The following RIMS2 variants were observed in gnomAD, a reference collection of about 807,000 sequenced individuals.
RIMS2 encodes regulating synaptic membrane exocytosis 2, also known as regulating synaptic membrane exocytosis protein 2.
In RIMS2, 59 loss-of-function variants were observed where a neutral mutation model predicts 174.4. That is an observed-to-expected ratio of 0.34 (90% CI 0.27 to 0.42). The LOEUF (loss-of-function observed/expected upper bound fraction) is 0.42. RIMS2 is among the 10% of genes least tolerant of loss of function. The pLI, the probability that RIMS2 is intolerant of heterozygous loss-of-function variation, is 1.00. For synonymous variants in RIMS2, 606 were observed against 572.5 expected (o/e 1.06, Z -0.84); for missense variants, 1,620 against 1,666.3 (o/e 0.97, Z 0.48).
intron 2 of RIMS2, among the ~76,000 whole-genome samples, chr8:103,734,171 C>G (rs2139034512): frequency 6.6e-6 from 1 of 151,760 alleles, no homozygotes; most frequent in East Asian, 1.9e-4. Context: ...CGCCACCACA[C>G]CCAGCTAATT....
intron 17 of RIMS2, among the ~76,000 whole-genome samples, chr8:104,006,709 T>A (rs1337500512): frequency 1.6e-4 from 25 of 151,588 alleles, no homozygotes; most frequent in Non-Finnish European, 2.1e-4. Context: ...ATCTCAAGTG[T>A]GTATTTTTAC....
intron 2 of RIMS2, among the ~76,000 whole-genome samples, chr8:103,761,640 C>G (rs1297733347): frequency 6.6e-6 from 1 of 152,090 alleles, no homozygotes; most frequent in African/African-American, 2.4e-5. Context: ...CATAGCTGCC[C>G]AAGATAACAT....
chr8:103,732,783 T>C (rs1330973357), intron 2 of RIMS2, among the ~76,000 whole-genome samples: 1 of 152,152 alleles, frequency 6.6e-6, no homozygotes, highest in Admixed American at 6.5e-5. Flanking sequence ...TACCAAGATC[T>C]TTTTAGTCAG....
intron 19 of RIMS2, among the ~76,000 whole-genome samples, chr8:104,128,485 T>C (rs2098448781): frequency 6.6e-6 from 1 of 151,942 alleles, no homozygotes; most frequent in African/African-American, 2.4e-5. Flanking sequence ...TCACCTGAGG[T>C]CAGGAGTTTG....
In RIMS2 at chr8:104,198,883, A is replaced by G. The variant is rs77539748; in HGVS notation, c.3335-46033A>G. On this transcript the variant is annotated intron_variant, in intron 19 of 23. Transcript: ENST00000504942. ...AAATCGATTAATAGGAGAAAAGCACACAAATTTATTTAATACAAGTTTTAC... is the reference window on the plus strand; with the variant it reads ...AAATCGATTAATAGGAGAAAAGCACGCAAATTTATTTAATACAAGTTTTAC... Among the ~76,000 whole-genome samples, 795 of 152,302 alleles carry G rather than the reference A, an allele frequency of 5.2e-3. 5 individuals carry two copies. The highest frequency in any genetic ancestry group is 0.018 in the African/African-American group (736 of 41,554).
chr8:103,619,764 T>C (rs2095592642), intron 1 of RIMS2, among the ~76,000 whole-genome samples: 1 of 152,056 alleles, frequency 6.6e-6, no homozygotes, highest in Admixed American at 6.6e-5. Flanking sequence ...AAGCTACCAC[T>C]ACTACTGCTT....
Position 103,704,810 on chromosome 8 carries a change from T to G in RIMS2, c.387+7514T>G, listed in dbSNP as rs143396519. Among the ~76,000 whole-genome samples, 935 of 152,118 alleles carry G rather than the reference T, an allele frequency of 6.1e-3. 26 individuals carry two copies. Among genetic ancestry groups the G allele is most frequent in the Admixed American group, 0.036 (550 of 15,276 alleles). ...CCTTTGTATTTTCATGGTATCAGTT[T>G]TAATGTCTTCTTTTTTATCTCTGAT... On this transcript the variant is annotated intron_variant, in intron 2 of 23. Coordinates refer to ENST00000504942, the Ensembl canonical transcript of RIMS2.
intron 19 of RIMS2, among the ~76,000 whole-genome samples, chr8:104,069,240 A>C (rs1326073893): frequency 1.3e-5 from 2 of 152,192 alleles, no homozygotes; most frequent in Non-Finnish European, 2.9e-5. Flanking sequence ...AGGTAGGCTA[A>C]GCTAAGCTGT....
At chr8:103,628,687 G>T (rs570380672) in intron 1 of RIMS2, among the ~76,000 whole-genome samples, 52 of 143,910 alleles carry the variant, frequency 3.6e-4, no homozygotes, top group African/African-American at 1.1e-3. Flanking sequence ...TTTTTGTTTT[G>T]CCCTCTCTAT....
At chr8:103,594,946 C>T (rs1457835065) in intron 1 of RIMS2, among the ~76,000 whole-genome samples, 1 of 151,706 alleles carries the variant, frequency 6.6e-6, no homozygotes, top group Admixed American at 6.6e-5. Flanking sequence ...CATGATTATT[C>T]ATTCTGAGGT....
At chr8:103,714,307 G>A (rs749161675) in intron 2 of RIMS2, among the ~76,000 whole-genome samples, 2 of 152,144 alleles carry the variant, frequency 1.3e-5, no homozygotes, top group Non-Finnish European at 2.9e-5. Flanking sequence ...ATGTTTTATG[G>A]AAGATAACAA....
chr8:104,122,733 A>G (rs2098392886), intron 19 of RIMS2, among the ~76,000 whole-genome samples: 1 of 152,294 alleles, frequency 6.6e-6, no homozygotes, highest in African/African-American at 2.4e-5. Flanking sequence ...TTACTGAAAT[A>G]GGTATTAACT....
intron 1 of RIMS2, among the ~76,000 whole-genome samples, chr8:103,616,291 C>T (rs1211995998): frequency 6.6e-6 from 1 of 152,090 alleles, no homozygotes; most frequent in Non-Finnish European, 1.5e-5. Flanking sequence ...TCAATAGATG[C>T]AGAAAAGGCT....
At chr8:103,715,930 T>G (rs1040530797) in intron 2 of RIMS2, among the ~76,000 whole-genome samples, 2 of 152,160 alleles carry the variant, frequency 1.3e-5, no homozygotes, top group African/African-American at 4.8e-5. Flanking sequence ...TAAAACTTTT[T>G]TCTTAAACAT....
chr8:103,559,949 AT>A (rs2091314048), intron 1 of RIMS2, among the ~76,000 whole-genome samples: 3 of 152,320 alleles, frequency 2.0e-5, no homozygotes, highest in Admixed American at 2.0e-4. Flanking sequence ...AGTGAGCTGA[AT>A]TATAGGAGAG....
intron 10 of RIMS2, among the ~76,000 whole-genome samples, chr8:103,923,913 G>A (rs866778762): frequency 5.9e-5 from 9 of 151,508 alleles, no homozygotes; most frequent in African/African-American, 9.7e-5. Context: ...ATACTCTTTC[G>A]AATCCTGATT....
chr8:104,215,713 T>G (rs957153589), intron 19 of RIMS2, among the ~76,000 whole-genome samples: 1 of 152,220 alleles, frequency 6.6e-6, no homozygotes, highest in Non-Finnish European at 1.5e-5. Flanking sequence ...ATGAAGACTT[T>G]GTATGAATTT....
In RIMS2 at chr8:104,090,086, C is replaced by CA. The variant is rs546724153; in HGVS notation, c.3334+75472dup. ...TATATATTATATATATATACACACACACACAGAGCCCAATGACAAGAGGTC... is the reference window on the plus strand; with the variant it reads ...TATATATTATATATATATACACACACAACACAGAGCCCAATGACAAGAGGTC... On this transcript the variant is annotated intron_variant, in intron 19 of 23. Coordinates refer to ENST00000504942, the Ensembl canonical transcript of RIMS2. Among the ~76,000 whole-genome samples the CA allele has an allele frequency of 1.3e-3, 193 of 151,502 alleles. 1 individual carries two copies. The highest frequency in any genetic ancestry group is 4.3e-3 in the African/African-American group (179 of 41,432).
At chr8:103,632,366 A>G (rs749070534) in intron 1 of RIMS2, among the ~76,000 whole-genome samples, 5 of 152,172 alleles carry the variant, frequency 3.3e-5, no homozygotes, top group Admixed American at 6.6e-5. Flanking sequence ...TTCTACCTCT[A>G]TTGAGATAAT....
Sources: allele counts gnomAD v4.1 joint callset (sites outside exome capture counted in the v4.1 genomes callset), GRCh38; gene constraint gnomAD v4.1.1; transcripts MANE v1.5; gene names NCBI Gene and HGNC (gene_info 2026-07-23, HGNC 2026-07-21).